The following MGST2 variants were observed in gnomAD, a reference collection of about 807,000 sequenced individuals.
MGST2 encodes the protein microsomal glutathione S-transferase 2, also known as glutathione peroxidase MGST2.
Under a neutral mutation model 16.6 loss-of-function variants are expected in MGST2, and 9 were observed. That is an observed-to-expected ratio of 0.54 (90% CI 0.33 to 0.95). MGST2 has a LOEUF of 0.95. Ranked by LOEUF, MGST2 falls within the 40% of genes least tolerant of loss-of-function variation. MGST2 has a pLI of 0.03. For missense variants in MGST2, 159 were observed against 175.1 expected (o/e 0.91, Z 0.52); for synonymous variants, 79 against 68.0 (o/e 1.16, Z -0.79).
At chr4:139,732,371 A>G (rs907294478) in intron 5 of MGST2, among the ~76,000 whole-genome samples, 2 of 151,974 alleles carry the variant, frequency 1.3e-5, no homozygotes, top group Admixed American at 6.6e-5. Context: ...CCTCTCCACT[A>G]TGACTGACTT....
chr4:139,691,282 C>T (rs2110864702), intron 2 of MGST2, among the ~76,000 whole-genome samples: 1 of 152,290 alleles, frequency 6.6e-6, no homozygotes, highest in Admixed American at 6.5e-5. Flanking sequence ...GGAAATTTTC[C>T]TGAGGATCCC....
chr4:139,691,059 G>A (rs775715573), intron 2 of MGST2, among the ~76,000 whole-genome samples: 2 of 152,184 alleles, frequency 1.3e-5, no homozygotes, highest in Admixed American at 6.5e-5. Flanking sequence ...CCAAGATAGC[G>A]TTCATGGGAA....
intron 1 of MGST2, among the ~76,000 whole-genome samples, chr4:139,675,209 G>A (rs1218424803): frequency 2.0e-5 from 3 of 152,188 alleles, no homozygotes; most frequent in African/African-American, 7.2e-5. Flanking sequence ...AGGATAGCAA[G>A]GTGCTTGGAA....
At chr4:139,683,732 A>G (rs1731389969) in intron 2 of MGST2, among the ~76,000 whole-genome samples, 1 of 152,076 alleles carries the variant, frequency 6.6e-6, no homozygotes, top group Admixed American at 6.6e-5. Flanking sequence ...CACACTGCTG[A>G]TAAAGACATA....
At chr4:139,719,014 G>A (rs1306156293) in intron 5 of MGST2, 4 of 304,592 alleles carry the variant, frequency 1.3e-5, no homozygotes, top group South Asian at 1.3e-4. Flanking sequence ...TGGGCCAGGC[G>A]ATCACAGGGC....
chr4:139,733,727 C>G (rs1728816728), intron 5 of MGST2, among the ~76,000 whole-genome samples: 1 of 152,166 alleles, frequency 6.6e-6, no homozygotes, highest in Non-Finnish European at 1.5e-5. Flanking sequence ...CTCCGTTGCC[C>G]AGGCTGGGGT....
Position 139,666,117 on chromosome 4 carries a change from C to CGCGCGTGT in MGST2, c.58+41_58+42insCGCGTGTG, listed in dbSNP as rs372455548. On this transcript the variant is annotated intron_variant, in intron 1 of 4. Coordinates refer to ENST00000265498, the MANE Select transcript of MGST2 (RefSeq NM_002413.5). ...AAGTTCGTGTGTGTGCGCGTGTGTGCGTGTGTGTGTGTGTGTGACAAGGCT... is the reference window on the plus strand; with the variant it reads ...AAGTTCGTGTGTGTGCGCGTGTGTGCGCGCGTGTGTGTGTGTGTGTGTGTGACAAGGCT... The CGCGCGTGT allele has an allele frequency of 2.9e-5, 30 of 1,025,420 alleles. No homozygotes were observed. In the African/African-American group the frequency reaches 1.1e-3, roughly 39 times the overall value. The allele number at this position is 1,025,420 out of a possible 1,614,324, so 63.5% of individuals were successfully genotyped here. A position where few individuals can be genotyped will look rare whatever the true frequency, so the allele number is the denominator to read the frequency against.
chr4:139,709,071 A>AATT (rs755140695), downstream of MGST2, among the ~76,000 whole-genome samples: 1,892 of 82,052 alleles, frequency 0.023, 246 homozygotes, highest in East Asian at 0.1. Context: ...AATGGAAAAA[A>AATT]TTTTTTTTTT....
At chr4:139,705,286 AG>A (rs1400440094), downstream of MGST2, among the ~76,000 whole-genome samples, 1 of 152,136 alleles carries the variant, frequency 6.6e-6, no homozygotes, top group African/African-American at 2.4e-5. Context: ...AGAAAATGTC[AG>A]GGGGTAAATT....
intron 2 of MGST2, among the ~76,000 whole-genome samples, chr4:139,679,927 G>A (rs574007157): frequency 7.9e-5 from 12 of 152,272 alleles, no homozygotes; most frequent in South Asian, 2.1e-4. Context: ...ATTTATGTAC[G>A]TGATCTGAAG....
the MGST2 span, among the ~76,000 whole-genome samples, chr4:139,753,067 G>A: frequency 2.3e-4 from 35 of 152,320 alleles, no homozygotes; most frequent in African/African-American, 8.4e-4. Context: ...TGTTTCAGGA[G>A]AGGGCTCAGC....
chr4:139,740,985 G>A (rs749127766), downstream of MGST2, among the ~76,000 whole-genome samples: 11 of 152,174 alleles, frequency 7.2e-5, no homozygotes, highest in Non-Finnish European at 1.5e-4. Flanking sequence ...AGCCTGCTCT[G>A]CCGGTTTCCC....
At chr4:139,722,750 G>A (rs1239675040) in intron 5 of MGST2, among the ~76,000 whole-genome samples, 1 of 152,192 alleles carries the variant, frequency 6.6e-6, no homozygotes, top group African/African-American at 2.4e-5. Flanking sequence ...AATGGTGAGA[G>A]TATGGGATAG....
In MGST2 at chr4:139,731,435, TAAAAAAAAAA is replaced by T. The variant is rs70943437; in HGVS notation, c.*49-8753_*49-8744del. 15 of 38,742 alleles carry T rather than the reference TAAAAAAAAAA, an allele frequency of 3.9e-4. No homozygotes were observed. The East Asian group carries it at 5.6e-3, about 14-fold the overall frequency. 2.4% of individuals were successfully genotyped at this position (38,742 alleles called of 1,614,324 possible). ...CAAGATGGTGAAACCCTGTCTCTACTAAAAAAAAAAAAAAAAAAAAAAAAAAAAAAAAATT... is the reference window on the plus strand; with the variant it reads ...CAAGATGGTGAAACCCTGTCTCTACTAAAAAAAAAAAAAAAAAAAAAAATT... On this transcript the variant is annotated intron_variant, in intron 5 of 5. Coordinates refer to the MGST2 transcript ENST00000616265.
downstream of MGST2, among the ~76,000 whole-genome samples, chr4:139,706,527 GGAT>G (rs1385507915): frequency 6.6e-5 from 10 of 152,308 alleles, no homozygotes; most frequent in South Asian, 2.1e-3. Flanking sequence ...GACCAATGAA[GGAT>G]GAGAATGCAA....
intron 3 of MGST2, 139 bp from the exon 4 acceptor site, chr4:139,703,316 G>A (rs1420739451): frequency 1.3e-6 from 1 of 741,644 alleles, no homozygotes; most frequent in Non-Finnish European, 2.3e-6. Context: ...TCCTTCCTAT[G>A]TGGATTCTCT....
At chr4:139,709,792 C>T (rs1038867771) in intron 5 of MGST2, among the ~76,000 whole-genome samples, 4 of 152,230 alleles carry the variant, frequency 2.6e-5, no homozygotes, top group Non-Finnish European at 4.4e-5. Context: ...GATGGATCCA[C>T]AGTCATCCAT....
intron 3 of MGST2, among the ~76,000 whole-genome samples, chr4:139,695,520 G>C (rs1726867800): frequency 6.6e-6 from 1 of 152,172 alleles, no homozygotes; most frequent in Admixed American, 6.5e-5. Flanking sequence ...TACTTGGGAG[G>C]CTGAGACAGG....
chr4:139,683,259 G>A (rs1731361803), intron 2 of MGST2, among the ~76,000 whole-genome samples: 1 of 152,154 alleles, frequency 6.6e-6, no homozygotes, highest in South Asian at 2.1e-4. Context: ...GTCAGGTTCT[G>A]GATATATTTT....
Sources: gnomAD v4.1 joint callset for allele counts (sites outside exome capture counted in the v4.1 genomes callset) on GRCh38, gnomAD v4.1.1 for gene constraint, MANE v1.5 for transcripts, NCBI Gene and HGNC (gene_info 2026-07-23, HGNC 2026-07-21) for gene names.